Variants in VCAN observed in about 807,000 individuals in gnomAD.
The protein encoded by VCAN is versican.
Under a neutral mutation model 245.5 loss-of-function variants are expected in VCAN, and 44 were observed. The ratio of observed to expected loss-of-function variants is 0.18; its 90% confidence interval spans 0.14 to 0.23. The LOEUF (loss-of-function observed/expected upper bound fraction) is 0.23, where lower values mean the gene tolerates loss of function less well. Ranked by LOEUF, VCAN falls within the 10% of genes least tolerant of loss-of-function variation. The probability of loss-of-function intolerance (pLI) is 1.00; values close to 1 mark genes in which losing one functional copy is unlikely to be tolerated. For synonymous variants in VCAN, 1,413 were observed against 1,437.0 expected (o/e 0.98, Z 0.38); for missense variants, 3,793 against 4,057.9 (o/e 0.93, Z 1.77).
rs1324405994 is a variant in VCAN, at chr5:83,540,276, T to C, written c.7273T>C (p.Tyr2425His). ...ATCAGCACCAAAACCATCTGACTTGTATTATGAACCTTCTGGAGAAGGATC... is the reference window on the plus strand; with the variant it reads ...ATCAGCACCAAAACCATCTGACTTGCATTATGAACCTTCTGGAGAAGGATC... ...VTSAPKPSDLYYEPSGEGSGE... is the reference protein window; with the variant it reads ...VTSAPKPSDLHYEPSGEGSGE... Residue 2425 changes from tyrosine (Y) to histidine (H), a missense_variant, in exon 8 of 15, where the codon TAT (tyrosine) becomes CAT (histidine). Around this residue, in one of 5 missense-constraint regions of VCAN, gnomAD observed 3,182 missense variants for 3,250.3 expected, o/e 0.98. Coordinates refer to ENST00000265077, the MANE Select transcript of VCAN (RefSeq NM_004385.5). 1 of 1,614,098 alleles carries C rather than the reference T, an allele frequency of 6.2e-7. No homozygotes were observed. The highest frequency in any genetic ancestry group is 2.2e-5 in the East Asian group (1 of 44,874).
chr5:83,514,039 A>G (rs900342753), intron 6 of VCAN, among the ~76,000 whole-genome samples: 4 of 152,236 alleles, frequency 2.6e-5, no homozygotes, highest in Non-Finnish European at 5.9e-5. Context: ...GACTATTATT[A>G]AAGAATTCAT....
intron 7 of VCAN, among the ~76,000 whole-genome samples, chr5:83,524,388 T>C (rs1193005065): frequency 2.6e-5 from 4 of 152,098 alleles, no homozygotes. Context: ...CATAATAATA[T>C]TAGGTCAGAA....
chr5:83,490,162 T>A lies in VCAN; in HGVS notation c.135T>A (p.His45Gln), dbSNP rs369760896. 25 of 1,614,188 alleles carry A rather than the reference T, an allele frequency of 1.5e-5. No homozygotes were observed. Among genetic ancestry groups the A allele is most frequent in the Non-Finnish European group, 2.1e-5 (25 of 1,180,036 alleles). Residue 45 changes from histidine to glutamine, a missense_variant, in exon 3 of 15, where the codon CAT (histidine) becomes CAA (glutamine). Around this residue, in one of 5 missense-constraint regions of VCAN, gnomAD observed 179 missense variants for 169.7 expected, o/e 1.05. Coordinates refer to ENST00000265077, the MANE Select transcript of VCAN (RefSeq NM_004385.5). ...CTGGAAAAGTCAGCCTACCTTGTCA[T>A]TTTTCAACGATGCCTACTTTGCCAC... ...SLSGKVSLPC[H>Q]FSTMPTLPPS... is the part of the protein sequence containing the mutation.
rs752026731 is a variant in VCAN, at chr5:83,541,118, G to T, written c.8115G>T (p.Glu2705Asp). The T allele has an allele frequency of 2.0e-5, 33 of 1,614,034 alleles. No individual in the cohort carries two copies. In the Admixed American group the frequency reaches 5.5e-4, roughly 27 times the overall value. ...GTAAGTCTGCCACAGTTATTCCAGAGATTGAAGGAATAAAAGCTGAAGCAA... is the reference window on the plus strand; with the variant it reads ...GTAAGTCTGCCACAGTTATTCCAGATATTGAAGGAATAAAAGCTGAAGCAA... ...IPRKSATVIP[E>D]IEGIKAEAKA... The change falls in exon 8 of 15, where the codon GAG (glutamate) becomes GAT (aspartate). Residue 2705 changes from glutamate to aspartate, a missense_variant. Coordinates refer to ENST00000265077, the MANE Select transcript of VCAN (RefSeq NM_004385.5).
chr5:83,484,026 A>T (rs1337588603), intron 2 of VCAN, among the ~76,000 whole-genome samples: 1 of 152,210 alleles, frequency 6.6e-6, no homozygotes, highest in Non-Finnish European at 1.5e-5. Context: ...TTTCTTTTTT[A>T]AAAAAGCAGT....
chr5:83,505,626 G>T (rs1745459268), intron 5 of VCAN, among the ~76,000 whole-genome samples: 1 of 152,172 alleles, frequency 6.6e-6, no homozygotes, highest in African/African-American at 2.4e-5. Context: ...GGCACACAGT[G>T]CAAGCTGTCA....
At chr5:83,551,966 C>G (rs1259878541) in intron 10 of VCAN, among the ~76,000 whole-genome samples, 2 of 152,192 alleles carry the variant, frequency 1.3e-5, no homozygotes, top group Non-Finnish European at 2.9e-5. Flanking sequence ...ACTTGGTGAT[C>G]TCCAAACAAC....
chr5:83,488,494 A>G (rs1744860116), intron 2 of VCAN, among the ~76,000 whole-genome samples: 1 of 152,194 alleles, frequency 6.6e-6, no homozygotes, highest in African/African-American at 2.4e-5. Flanking sequence ...CCTTCCTCTC[A>G]GTGGAGGATC....
Position 83,539,878 on chromosome 5 carries a change from G to A in VCAN, c.6875G>A (p.Ser2292Asn). 6.2e-7 allele frequency: 1 copy of A among 1,614,026 alleles called. No homozygotes were observed. Among genetic ancestry groups the A allele is most frequent in the Non-Finnish European group, 8.5e-7 (1 of 1,179,980 alleles). ...TATCCCCACACTTCTCAAGTGGAAA[G>A]TACCTCAAGTGACAAAATTGAAGAC... ...TLYPHTSQVESTSSDKIEDFN... is the reference protein window; with the variant it reads ...TLYPHTSQVENTSSDKIEDFN... Residue 2292 changes from serine to asparagine, a missense_variant, in exon 8 of 15, where the codon AGT (serine) becomes AAT (asparagine). This residue lies in a region of VCAN where 3,182 missense variants were observed against 3,250.3 expected (regional missense o/e 0.98). Coordinates refer to ENST00000265077, the MANE Select transcript of VCAN (RefSeq NM_004385.5).
chr5:83,565,383 G>A (rs2112488667), intron 12 of VCAN, among the ~76,000 whole-genome samples: 1 of 130,152 alleles, frequency 7.7e-6, no homozygotes, highest in East Asian at 2.3e-4. Context: ...AGTATTGTAT[G>A]TGTAAGGGTG....
chr5:83,473,167 G>A (rs116078881), intron 1 of VCAN, among the ~76,000 whole-genome samples: 6,826 of 152,314 alleles, frequency 0.045, 215 homozygotes, highest in Non-Finnish European at 0.064. Context: ...AGAGGCGTGG[G>A]CGCTGTAGGG....
chr5:83,563,214 A>C (rs1008023354), intron 12 of VCAN, among the ~76,000 whole-genome samples: 1 of 152,220 alleles, frequency 6.6e-6, no homozygotes, highest in African/African-American at 2.4e-5. Context: ...AGACAGCAGC[A>C]AAACCATAAC....
At position 83,572,450 on chromosome 5, in the gene VCAN, GCTT is replaced by G; in HGVS notation, c.9774_9776del (p.Phe3259del). The G allele has an allele frequency of 6.2e-7, 1 of 1,613,946 alleles. No homozygotes were observed. The highest frequency in any genetic ancestry group is 8.5e-7 in the Non-Finnish European group (1 of 1,179,880). ...AATTGGAGACCCAACCAGCCAGACA[GCTT>G]CTTTTCTGCTGGAGAAGACTGTGTT... On this transcript the variant is annotated inframe_deletion, in exon 13 of 15. Coordinates refer to ENST00000265077, the MANE Select transcript of VCAN (RefSeq NM_004385.5).
intron 2 of VCAN, among the ~76,000 whole-genome samples, chr5:83,485,814 C>T (rs556138959): frequency 6.6e-6 from 1 of 152,258 alleles, no homozygotes; most frequent in South Asian, 2.1e-4. Flanking sequence ...AAAAGCTCCT[C>T]CTTGGGTGGG....
intron 5 of VCAN, among the ~76,000 whole-genome samples, chr5:83,505,284 G>A (rs555613036): frequency 1.3e-4 from 20 of 152,182 alleles, no homozygotes; most frequent in South Asian, 2.1e-4. Context: ...AGTCCCTTCC[G>A]CCTAGGAGCC....
rs1746919548 is a variant in VCAN, at chr5:83,540,323, T to A, written c.7320T>A (p.Asp2440Glu). 1.9e-6 allele frequency: 3 copies of A among 1,614,068 alleles called. No homozygotes were observed. The highest frequency in any genetic ancestry group is 1.7e-6 in the Non-Finnish European group (2 of 1,179,972). The change falls in exon 8 of 15, where the codon GAT (aspartate) becomes GAA (glutamate). Residue 2440 changes from aspartate (D) to glutamate (E), a missense_variant. By Grantham distance (45) the Asp-to-Glu change is conservative. Transcript: ENST00000265077. Reference protein sequence around the residue: ...GEGSGEVDIVDSFHTSATTQA... With the variant: ...GEGSGEVDIVESFHTSATTQA... ...GATCTGGAGAAGTGGATATTGTTGA[T>A]TCATTTCACACTTCTGCAACTACTC...
At position 83,540,768 on chromosome 5, in the gene VCAN, G is replaced by A; in HGVS notation, c.7765G>A (p.Asp2589Asn). The A allele has an allele frequency of 6.2e-7, 1 of 1,613,944 alleles. No homozygotes were observed. Among genetic ancestry groups the A allele is most frequent in the South Asian group, 1.1e-5 (1 of 91,060 alleles). Reference protein sequence around the residue: ...DIDHTKPVYEDILGMQTDIDT... With the variant: ...DIDHTKPVYENILGMQTDIDT... ...TGATCATACTAAACCTGTGTATGAA[G>A]ACATTCTTGGAATGCAAACAGATAT... is the stretch of plus-strand genomic sequence containing the variant. The change falls in exon 8 of 15, where the codon GAC becomes AAC. Residue 2589 changes from aspartate (D) to asparagine (N), a missense_variant. By Grantham distance (23) the Asp-to-Asn change is conservative. Around this residue, in one of 5 missense-constraint regions of VCAN, gnomAD observed 3,182 missense variants for 3,250.3 expected, o/e 0.98. Coordinates refer to ENST00000265077, the MANE Select transcript of VCAN (RefSeq NM_004385.5).
chr5:83,519,225 C>G (rs1745974435), intron 6 of VCAN, 124 bp from the exon 7 acceptor site: 2 of 896,636 alleles, frequency 2.2e-6, no homozygotes, highest in Non-Finnish European at 3.4e-6. Context: ...CTCTCCATCA[C>G]AGAACATTTC....
chr5:83,477,097 G>T (rs1256484034), intron 1 of VCAN, among the ~76,000 whole-genome samples: 1 of 152,090 alleles, frequency 6.6e-6, no homozygotes, highest in Non-Finnish European at 1.5e-5. Context: ...ACCAAGCAAA[G>T]ATATTACTTT....
Sources: allele counts gnomAD v4.1 joint callset (sites outside exome capture counted in the v4.1 genomes callset), GRCh38; gene constraint gnomAD v4.1.1; regional missense constraint gnomAD v4.1.1; transcripts MANE v1.5; gene names NCBI Gene and HGNC (gene_info 2026-07-23, HGNC 2026-07-21).